The following UGT1A6 variants were observed in gnomAD, a reference collection of about 807,000 sequenced individuals.
UGT1A6 encodes UDP-glucuronosyltransferase 1A6.
In UGT1A6, 32 loss-of-function variants were observed where a neutral mutation model predicts 44.4. The observed-to-expected ratio is 0.72, with a 90% confidence interval of 0.54 to 0.97. The LOEUF (loss-of-function observed/expected upper bound fraction) is 0.97. Among genes scored for constraint, UGT1A6 ranks in the 50% least tolerant of loss-of-function variants. The pLI is 0.00. For missense variants in UGT1A6, 685 were observed against 661.9 expected (o/e 1.03, Z -0.38); for synonymous variants, 238 against 248.5 (o/e 0.96, Z 0.40).
chr2:233,753,025 CA>C (rs2125918346), intron 1 of UGT1A6, among the ~76,000 whole-genome samples: 1 of 152,200 alleles, frequency 6.6e-6, no homozygotes, highest in South Asian at 2.1e-4. Flanking sequence ...ATTTACAACA[CA>C]AAAAACTACC....
rs763166349 is a variant in UGT1A6, at chr2:233,729,716, T to C, written c.861+35851T>C. On this transcript the variant is annotated intron_variant, in intron 1 of 4. Coordinates refer to ENST00000305139, the MANE Select transcript of UGT1A6 (RefSeq NM_001072.4). ...AACCCTTCCTCCTATATTCCTAGAT[T>C]ACTAACAACCAATTCAGACCACATG... 5.6e-6 allele frequency: 9 copies of C among 1,613,852 alleles called. No individual in the cohort carries two copies. The African/African-American group carries it at 9.3e-5, about 17-fold the overall frequency.
chr2:233,700,061 G>T (rs2075540552), intron 1 of UGT1A6, among the ~76,000 whole-genome samples: 1 of 152,200 alleles, frequency 6.6e-6, no homozygotes, highest in South Asian at 2.1e-4. Context: ...TGAATCCAGT[G>T]GTGTCTACCC....
chr2:233,693,502 A>G lies in UGT1A6; in HGVS notation c.498A>G (p.Pro166=), dbSNP rs1280559315. The G allele has an allele frequency of 2.5e-6, 4 of 1,614,144 alleles. No homozygotes were observed. Among genetic ancestry groups the G allele is most frequent in the Non-Finnish European group, 3.4e-6 (4 of 1,180,032 alleles). The stretch of plus-strand genomic sequence containing the variant: ...TCCTGGCTGAGTATTTGGGCCTACC[A>G]TCTGTGTACCTCTTCAGGGGTTTTC... ...GVILAEYLGL[P]SVYLFRGFPC... The change falls in exon 1 of 5, where the codon CCA becomes CCG. Residue 166 remains proline (P), a synonymous_variant. Transcript: ENST00000305139.
intron 1 of UGT1A6, chr2:233,755,022 A>C: frequency 7.7e-7 from 1 of 1,305,146 alleles, no homozygotes; most frequent in South Asian, 1.2e-5. Flanking sequence ...GGGGTCCTTG[A>C]AGGGCCTGCC....
rs552536149 is a variant in UGT1A6 at position 233,737,258 on chromosome 2, C to T, written c.862-29776C>T. Among the ~76,000 whole-genome samples, 3 of 152,360 alleles carry T rather than the reference C, an allele frequency of 2.0e-5. No individual in the cohort carries two copies. In the East Asian group the frequency reaches 5.8e-4, roughly 29 times the overall value. On this transcript the variant is annotated intron_variant, in intron 1 of 4. Coordinates refer to ENST00000305139, the MANE Select transcript of UGT1A6 (RefSeq NM_001072.4). Reference sequence around the variant, plus strand: ...CTTTGTTTACCTACTCAAGCCTCAGCAATGGCGGACACCCCTCACCCAGCC... The same window carrying T: ...CTTTGTTTACCTACTCAAGCCTCAGTAATGGCGGACACCCCTCACCCAGCC...
At position 233,725,197 on chromosome 2, in the gene UGT1A6, CAGAGGCAGAGGCAGAGGCAGA is replaced by C. The variant is rs1559370274; in HGVS notation, c.861+31333_861+31353del. ...CCGTGGGGAGAGGCAGAGGCAGAGG[CAGAGGCAGAGGCAGAGGCAGA>C]GGAGGCAGAGGCAGAGGAGGCAGAG... is the stretch of plus-strand genomic sequence containing the variant. On this transcript the variant is annotated intron_variant, in intron 1 of 4. Transcript: ENST00000305139. Among the ~76,000 whole-genome samples the C allele has an allele frequency of 9.0e-4, 74 of 81,846 alleles. 30 individuals carry two copies. Among genetic ancestry groups the C allele is most frequent in the African/African-American group, 7.3e-3 (68 of 9,378 alleles). 53.7% of individuals were successfully genotyped at this position (81,846 alleles called of 152,430 possible).
intron 4 of UGT1A6, among the ~76,000 whole-genome samples, chr2:233,768,962 ATAATT>A (rs753324015): frequency 2.0e-5 from 3 of 152,200 alleles, no homozygotes; most frequent in Non-Finnish European, 4.4e-5. Flanking sequence ...AATTTATCAT[ATAATT>A]TATTTAGAAT....
Position 233,772,333 on chromosome 2 carries a change from T to C in UGT1A6, c.1373T>C (p.Val458Ala). The part of the protein sequence containing the change: ...DRPVEPLDLA[V>A]FWVEFVMRHK... Reference sequence around the variant, plus strand: ...CCGGTGGAGCCGCTGGACCTGGCCGTGTTCTGGGTGGAGTTTGTGATGAGG... The same window carrying C: ...CCGGTGGAGCCGCTGGACCTGGCCGCGTTCTGGGTGGAGTTTGTGATGAGG... The change falls in exon 5 of 5, where the codon GTG becomes GCG. Residue 458 changes from valine (V) to alanine (A), a missense_variant. Physicochemically the swap from Val to Ala is moderately conservative, Grantham distance 64 (BLOSUM62 0). Coordinates refer to ENST00000305139, the MANE Select transcript of UGT1A6 (RefSeq NM_001072.4). 6.2e-7 allele frequency: 1 copy of C among 1,614,126 alleles called. No individual in the cohort carries two copies. Among genetic ancestry groups the C allele is most frequent in the Non-Finnish European group, 8.5e-7 (1 of 1,180,008 alleles).
intron 1 of UGT1A6, chr2:233,713,399 C>T (rs2076318102): frequency 1.2e-6 from 2 of 1,614,000 alleles, no homozygotes; most frequent in Non-Finnish European, 1.7e-6. Flanking sequence ...ATAATGAGGC[C>T]CTGATCAGGC....
rs773080052 is a variant in UGT1A6, at chr2:233,725,069, CGCAGGCACTCG to C, written c.861+31211_861+31221del. On this transcript the variant is annotated intron_variant, in intron 1 of 4. Coordinates refer to ENST00000305139, the MANE Select transcript of UGT1A6 (RefSeq NM_001072.4). ...AGGCGTGGCGGCGCGCGCCTGCAAT[CGCAGGCACTCG>C]GCAGGCTGAGGCAGGAGAATCAGGC... 5.1e-3 allele frequency among the ~76,000 whole-genome samples: 744 copies of C among 146,616 alleles called. 33 individuals carry two copies. The highest frequency in any genetic ancestry group is 8.3e-3 in the Non-Finnish European group (553 of 66,856).
chr2:233,755,169 T>C lies in UGT1A6; in HGVS notation c.862-11865T>C, dbSNP rs555147500. 5.0e-4 allele frequency: 628 copies of C among 1,267,204 alleles called. 1 individual carries two copies. The highest frequency in any genetic ancestry group is 1.5e-3 in the Admixed American group (80 of 52,468). The allele number at this position is 1,267,204 out of a possible 1,614,324, so 78.5% of individuals were successfully genotyped here. The stretch of plus-strand genomic sequence containing the variant: ...CGCTTCCTCCCTGTCCTCGGGGTTT[T>C]TGTCGGGGTGCCACTTGAGCGCCAG... On this transcript the variant is annotated intron_variant, in intron 1 of 4. Transcript: ENST00000305139.
At chr2:233,718,330 T>A (rs2076647730) in intron 1 of UGT1A6, among the ~76,000 whole-genome samples, 1 of 152,162 alleles carries the variant, frequency 6.6e-6, no homozygotes, top group African/African-American at 2.4e-5. Flanking sequence ...GGCTTAGCAA[T>A]GTTGTATGTC....
At position 233,729,614 on chromosome 2, in the gene UGT1A6, A is replaced by C. The variant is rs775324088; in HGVS notation, c.861+35749A>C. 2.4e-5 allele frequency: 39 copies of C among 1,613,890 alleles called. No individual in the cohort carries two copies. Among genetic ancestry groups the C allele is most frequent in the Non-Finnish European group, 3.2e-5 (38 of 1,179,900 alleles). On this transcript the variant is annotated intron_variant, in intron 1 of 4. Transcript: ENST00000305139. Reference sequence around the variant, plus strand: ...AACCTCTGCGCGGCAGTGCTGGCTAAGTACCTGTCGATTCCTACTGTGTTT... The same window carrying C: ...AACCTCTGCGCGGCAGTGCTGGCTACGTACCTGTCGATTCCTACTGTGTTT...
At chr2:233,695,250 T>C (rs1030410433) in intron 1 of UGT1A6, among the ~76,000 whole-genome samples, 1 of 151,642 alleles carries the variant, frequency 6.6e-6, no homozygotes, top group Admixed American at 6.6e-5. Flanking sequence ...CTCAGCCTCC[T>C]GAGTAGCTGG....
Position 233,692,995 on chromosome 2 carries a change from T to G in UGT1A6, c.-10T>G, listed in dbSNP as rs1456334017. 5.0e-6 allele frequency: 8 copies of G among 1,613,894 alleles called. No homozygotes were observed. In the African/African-American group the frequency reaches 9.3e-5, roughly 19 times the overall value. On this transcript the variant is annotated 5_prime_UTR_variant, in exon 1 of 5. Transcript: ENST00000305139. ...TCTTTATTACCGTTGTTACTTTAACTCTTTCCAGGATGGCCTGCCTCCTTC... is the reference window on the plus strand; with the variant it reads ...TCTTTATTACCGTTGTTACTTTAACGCTTTCCAGGATGGCCTGCCTCCTTC...
At chr2:233,726,002 C>T (rs1052114071) in intron 1 of UGT1A6, among the ~76,000 whole-genome samples, 2 of 151,912 alleles carry the variant, frequency 1.3e-5, no homozygotes, top group African/African-American at 4.8e-5. Flanking sequence ...TGCATCTCTA[C>T]AAAAAATCAA....
intron 3 of UGT1A6, 127 bp downstream of exon 3, chr2:233,768,063 T>A (rs1012824630): frequency 1.3e-6 from 2 of 1,599,680 alleles, no homozygotes; most frequent in African/African-American, 2.7e-5. Context: ...CATTGCTTTT[T>A]ATCTAGTGGG....
At chr2:233,733,770 T>C (rs1256243948) in intron 1 of UGT1A6, among the ~76,000 whole-genome samples, 2 of 152,350 alleles carry the variant, frequency 1.3e-5, no homozygotes, top group East Asian at 3.9e-4. Context: ...AATTTTCTTT[T>C]TTTGTTGTGT....
chr2:233,736,950 T>C (rs2078828860), intron 1 of UGT1A6, among the ~76,000 whole-genome samples: 1 of 152,182 alleles, frequency 6.6e-6, no homozygotes, highest in Non-Finnish European at 1.5e-5. Context: ...AGGTGTCTGT[T>C]GGCCCCTACT....
Sources: gnomAD v4.1 joint callset for allele counts (sites outside exome capture counted in the v4.1 genomes callset) on GRCh38, gnomAD v4.1.1 for gene constraint, MANE v1.5 for transcripts, NCBI Gene and HGNC (gene_info 2026-07-23, HGNC 2026-07-21) for gene names.